The following NAA25 variants were observed in gnomAD, a reference collection of about 807,000 sequenced individuals.
The protein encoded by NAA25 is N-terminal acetyltransferase B complex subunit NAA25.
A neutral mutation model predicts 132.5 loss-of-function variants in NAA25; 30 were observed. The observed-to-expected ratio is 0.23, with a 90% confidence interval of 0.17 to 0.31. The LOEUF (loss-of-function observed/expected upper bound fraction) is 0.31, where lower values mean the gene tolerates loss of function less well. Ranked by LOEUF, NAA25 falls within the 10% of genes least tolerant of loss-of-function variation. The probability of loss-of-function intolerance (pLI) is 1.00; values close to 1 mark genes in which losing one functional copy is unlikely to be tolerated. For synonymous variants in NAA25, 359 were observed against 401.9 expected, an observed-to-expected ratio of 0.89 and a Z score of 1.28; for missense variants, 771 against 1,150.4, an observed-to-expected ratio of 0.67 and a Z score of 4.77.
intron 12 of NAA25, 79 bp downstream of exon 12, chr12:112,061,102 G>T: frequency 9.0e-7 from 1 of 1,105,602 alleles, no homozygotes. Context: ...AAAACAGGGT[G>T]CTACAGGTGC....
chr12:112,088,317 GTTT>G (rs1025838850), intron 3 of NAA25, among the ~76,000 whole-genome samples: 1 of 75,582 alleles, frequency 1.3e-5, no homozygotes, highest in African/African-American at 5.7e-5. Flanking sequence ...GTATATTGTA[GTTT>G]TTTTTTTTTT....
Position 112,078,721 on chromosome 12 carries a change from T to C in NAA25, c.498A>G (p.Glu166=). The C allele has an allele frequency of 1.2e-6, 2 of 1,613,844 alleles. No homozygotes were observed. The highest frequency in any genetic ancestry group is 1.3e-5 in the African/African-American group (1 of 75,044). ...GCAGAAACATTGTTTTTGAGAGGTT[T>C]TCATCCTGTGCCGATATAGACTGAA... ...LIMQSISAQD[E]NLSKTMFLPL... is the part of the protein sequence containing the mutation. The change falls in exon 6 of 24, where the codon GAA becomes GAG. Residue 166 remains glutamate (E), a synonymous_variant. Transcript: ENST00000261745.
chr12:112,057,889 G>A (rs889553776), intron 13 of NAA25, among the ~76,000 whole-genome samples: 6 of 152,208 alleles, frequency 3.9e-5, no homozygotes, highest in Non-Finnish European at 7.3e-5. Context: ...GCTGAGGCAG[G>A]AGAATCACTT....
chr12:112,087,570 T>C, intron 4 of NAA25, 113 bp downstream of exon 4: 1 of 680,198 alleles, frequency 1.5e-6, no homozygotes, highest in South Asian at 2.1e-5. Context: ...CACAGAAAAA[T>C]CCATAAATTC....
At chr12:112,038,932 T>C (rs998548120) in intron 22 of NAA25, among the ~76,000 whole-genome samples, 1 of 152,114 alleles carries the variant, frequency 6.6e-6, no homozygotes, top group African/African-American at 2.4e-5. Flanking sequence ...TGAGCCAAGA[T>C]AGTGCCACTG....
At chr12:112,058,292 G>A (rs959620317) in intron 13 of NAA25, among the ~76,000 whole-genome samples, 2 of 152,200 alleles carry the variant, frequency 1.3e-5, no homozygotes, top group African/African-American at 4.8e-5. Flanking sequence ...AAACTTAGAT[G>A]AGGGAGGTAA....
In NAA25 at chr12:112,049,101, G is replaced by A. The variant is rs568824283; in HGVS notation, c.1729-658C>T. 2.6e-5 allele frequency among the ~76,000 whole-genome samples: 4 copies of A among 152,140 alleles called. No individual in the cohort carries two copies. Among genetic ancestry groups the A allele is most frequent in the Non-Finnish European group, 5.9e-5 (4 of 68,022 alleles). ...ATCTACATTACGTAAGACCTCTGCTGGAAATTTCCTTAAACAAGTATGTGA... is the reference window on the plus strand; with the variant it reads ...ATCTACATTACGTAAGACCTCTGCTAGAAATTTCCTTAAACAAGTATGTGA... On this transcript the variant is annotated intron_variant, in intron 15 of 23. Transcript: ENST00000261745. The surrounding 1 kb of genome is among the most constrained non-coding windows in gnomAD (Gnocchi z 4.7).
intron 21 of NAA25, 194 bp from the exon 22 acceptor site, chr12:112,039,533 A>G (rs2078272986): frequency 4.6e-6 from 2 of 430,186 alleles, no homozygotes; most frequent in Admixed American, 8.5e-5. Flanking sequence ...TGCTCAGAAT[A>G]CTACAATGGC....
chr12:112,049,381 A>G lies in NAA25; in HGVS notation c.1729-938T>C. On this transcript the variant is annotated intron_variant, in intron 15 of 23. Coordinates refer to ENST00000261745, the MANE Select transcript of NAA25 (RefSeq NM_024953.4). The surrounding 1 kb of genome is among the most constrained non-coding windows in gnomAD (Gnocchi z 4.7). ...CCAAAAAAGATCCTTTCTAGAAAAA[A>G]CAGTCTTTTTACACAGCCTCAGTTA... 1 of 899,336 alleles carries G rather than the reference A, an allele frequency of 1.1e-6. No individual in the cohort carries two copies. Among genetic ancestry groups the G allele is most frequent in the Non-Finnish European group, 1.3e-6 (1 of 751,384 alleles). 55.7% of individuals were successfully genotyped at this position (899,336 alleles called of 1,614,324 possible).
chr12:112,071,672 CAA>C (rs1484424260), intron 10 of NAA25, among the ~76,000 whole-genome samples: 1 of 152,108 alleles, frequency 6.6e-6, no homozygotes, highest in Non-Finnish European at 1.5e-5. Flanking sequence ...GAATGCCTGA[CAA>C]AGACTCTGAC....
At chr12:112,081,223 G>A (rs1365810033) in intron 4 of NAA25, 89 bp from the exon 5 acceptor site, 2 of 1,052,402 alleles carry the variant, frequency 1.9e-6, no homozygotes, top group Non-Finnish European at 2.9e-6. Context: ...TTTCTTGGGA[G>A]AACAGCAATA....
At chr12:112,095,840 T>C in intron 1 of NAA25, among the ~76,000 whole-genome samples, 1 of 152,112 alleles carries the variant, frequency 6.6e-6, no homozygotes, top group Non-Finnish European at 1.5e-5. Flanking sequence ...TTGGGATGGA[T>C]AGGTGGAGCA....
At chr12:112,078,418 C>T in intron 6 of NAA25, 152 bp from the exon 7 acceptor site, 1 of 698,196 alleles carries the variant, frequency 1.4e-6, no homozygotes, top group Non-Finnish European at 2.4e-6. Flanking sequence ...TCTTCTCCAT[C>T]TATATCTCTC....
chr12:112,044,086 C>A (rs1206912009), intron 17 of NAA25, among the ~76,000 whole-genome samples: 1 of 151,870 alleles, frequency 6.6e-6, no homozygotes, highest in Non-Finnish European at 1.5e-5. Flanking sequence ...TGCCACCACG[C>A]CCGGCTAATT....
At chr12:112,058,824 C>T (rs1051037615) in intron 13 of NAA25, among the ~76,000 whole-genome samples, 2 of 151,810 alleles carry the variant, frequency 1.3e-5, no homozygotes, top group Non-Finnish European at 2.9e-5. Context: ...TTTGGGAGGC[C>T]GAGGCGGGCA....
intron 3 of NAA25, among the ~76,000 whole-genome samples, chr12:112,089,937 T>C (rs1046661542): frequency 1.3e-5 from 2 of 150,848 alleles, no homozygotes; most frequent in Admixed American, 6.6e-5. Context: ...GAAGTTTCGA[T>C]TCTCCTGCCT....
Position 112,048,292 on chromosome 12 carries a change from A to C in NAA25, c.1880T>G (p.Ile627Arg). 1 of 1,611,850 alleles carries C rather than the reference A, an allele frequency of 6.2e-7. No individual in the cohort carries two copies. Among genetic ancestry groups the C allele is most frequent in the Non-Finnish European group, 8.5e-7 (1 of 1,178,508 alleles). ...MLLDLLLEANISTSLAESIKS... is the reference protein window; with the variant it reads ...MLLDLLLEANRSTSLAESIKS... ...TTTATAGCTCTCATGCAATACTTACATATTTGCTTCAAGTAGAAGGTCTAA... is the reference window on the plus strand; with the variant it reads ...TTTATAGCTCTCATGCAATACTTACCTATTTGCTTCAAGTAGAAGGTCTAA... The change falls in exon 16 of 24, where the codon ATA (isoleucine) becomes AGA (arginine). Residue 627 changes from isoleucine (I) to arginine (R), a missense_variant and splice_region_variant. Transcript: ENST00000261745.
intron 17 of NAA25, among the ~76,000 whole-genome samples, chr12:112,044,876 A>T (rs1390530202): frequency 1.5e-5 from 2 of 129,734 alleles, no homozygotes; most frequent in South Asian, 2.4e-4. Flanking sequence ...CCCAGTCTCT[A>T]AAAAAAAAAA....
intron 11 of NAA25, among the ~76,000 whole-genome samples, chr12:112,067,707 TTAAA>T (rs1758722868): frequency 6.6e-6 from 1 of 152,018 alleles, no homozygotes; most frequent in South Asian, 2.1e-4. Context: ...AAGAAAAAAA[TTAAA>T]TAAACGGAAT....
Sources: gnomAD v4.1 joint callset for allele counts (sites outside exome capture counted in the v4.1 genomes callset) on GRCh38, gnomAD v4.1.1 for gene constraint, Gnocchi (gnomAD v3.1) non-coding constraint, MANE v1.5 for transcripts, NCBI Gene and HGNC (gene_info 2026-07-23, HGNC 2026-07-21) for gene names.